Variants in AKT3 observed in about 807,000 individuals in gnomAD.
AKT3 encodes the protein AKT serine/threonine kinase 3.
A neutral mutation model predicts 65.3 loss-of-function variants in AKT3; 15 were observed. That is an observed-to-expected ratio of 0.23 (90% confidence interval 0.15 to 0.35). AKT3 has a LOEUF of 0.35. Ranked by LOEUF, AKT3 falls within the 10% of genes least tolerant of loss-of-function variation. The probability of loss-of-function intolerance (pLI) is 1.00; values close to 1 mark genes in which losing one functional copy is unlikely to be tolerated. For missense variants in AKT3, 243 were observed against 576.5 expected (o/e 0.42, Z 5.92); for synonymous variants, 206 against 183.8 (o/e 1.12, Z -0.98).
At chr1:243,800,693 A>G (rs1447121036) in intron 2 of AKT3, among the ~76,000 whole-genome samples, 1 of 151,974 alleles carries the variant, frequency 6.6e-6, no homozygotes, top group African/African-American at 2.4e-5. Flanking sequence ...ACTCCAGCCC[A>G]GCGACAGAGT....
intron 3 of AKT3, among the ~76,000 whole-genome samples, chr1:243,677,294 C>A (rs912063501): frequency 6.6e-6 from 1 of 152,072 alleles, no homozygotes; most frequent in African/African-American, 2.4e-5. Flanking sequence ...TTATTTGTAT[C>A]CCATATGGTG....
At chr1:243,671,352 T>A (rs1683148178) in intron 3 of AKT3, among the ~76,000 whole-genome samples, 1 of 152,140 alleles carries the variant, frequency 6.6e-6, no homozygotes, top group African/African-American at 2.4e-5. Context: ...AGCGCTGGGA[T>A]TACAGGCGTG....
intron 6 of AKT3, among the ~76,000 whole-genome samples, chr1:243,617,860 A>C (rs990391152): frequency 6.6e-6 from 1 of 152,154 alleles, no homozygotes; most frequent in Non-Finnish European, 1.5e-5. Context: ...TAAAGTTAAC[A>C]GTGCTAATAT....
intron 6 of AKT3, among the ~76,000 whole-genome samples, chr1:243,632,710 T>C (rs970510044): frequency 1.1e-4 from 16 of 152,224 alleles, no homozygotes; most frequent in African/African-American, 3.9e-4. Context: ...CGTGTAGTCA[T>C]CTTCACCAAT....
intron 3 of AKT3, among the ~76,000 whole-genome samples, chr1:243,677,531 A>C (rs1683603976): frequency 6.6e-6 from 1 of 151,944 alleles, no homozygotes; most frequent in Non-Finnish European, 1.5e-5. Context: ...TATATGAAAA[A>C]ATATATTTTT....
At chr1:243,718,613 C>T in intron 2 of AKT3, among the ~76,000 whole-genome samples, 1 of 150,906 alleles carries the variant, frequency 6.6e-6, no homozygotes, top group East Asian at 2.0e-4. Flanking sequence ...CAGGCCCTCA[C>T]CACCACGCCT....
chr1:243,542,436 A>G lies in AKT3; in HGVS notation c.1251+3074T>C, dbSNP rs79284637. 5.2e-3 allele frequency among the ~76,000 whole-genome samples: 791 copies of G among 152,332 alleles called. 10 individuals carry two copies. The highest frequency in any genetic ancestry group is 0.018 in the African/African-American group (744 of 41,580). On this transcript the variant is annotated intron_variant, in intron 12 of 13. Transcript: ENST00000673466. ...TACTTTCACTTTTTACTTTGCCTAG[A>G]AAGAGATTCAGATCTCCTCAACAGA... is the stretch of plus-strand genomic sequence containing the variant.
upstream of AKT3, among the ~76,000 whole-genome samples, chr1:243,850,820 C>T (rs1166375061): frequency 6.6e-6 from 1 of 152,032 alleles, no homozygotes; most frequent in African/African-American, 2.4e-5. Context: ...CAGCCAGAGC[C>T]GGGAGCGGGG....
At chr1:243,631,792 T>C (rs1013941728) in intron 6 of AKT3, among the ~76,000 whole-genome samples, 3 of 152,216 alleles carry the variant, frequency 2.0e-5, no homozygotes, top group Non-Finnish European at 4.4e-5. Flanking sequence ...TTCAGCAATG[T>C]TCATGGCATC....
chr1:243,583,557 G>GAAAAAA (rs977215298), intron 8 of AKT3, among the ~76,000 whole-genome samples: 8 of 38,798 alleles, frequency 2.1e-4, no homozygotes, highest in Admixed American at 4.1e-4. Flanking sequence ...AAAAAAAAAA[G>GAAAAAA]AAAAAAAAAA....
chr1:243,561,562 T>C (rs1256788050), intron 10 of AKT3, among the ~76,000 whole-genome samples: 2 of 152,280 alleles, frequency 1.3e-5, no homozygotes, highest in Non-Finnish European at 1.5e-5. Flanking sequence ...TTGCTATCTA[T>C]CATCAAAGAT....
At chr1:243,686,675 T>A (rs1262410475) in intron 3 of AKT3, among the ~76,000 whole-genome samples, 6 of 79,430 alleles carry the variant, frequency 7.6e-5, no homozygotes, top group African/African-American at 1.7e-4. Context: ...TTTTTTTTTT[T>A]TTTTTTTTTT....
intron 2 of AKT3, among the ~76,000 whole-genome samples, chr1:243,815,491 G>C (rs927415709): frequency 6.6e-6 from 1 of 152,078 alleles, no homozygotes; most frequent in African/African-American, 2.4e-5. Context: ...GTCAACTCAA[G>C]GCTCTACATG....
At chr1:243,720,876 T>C (rs1184922311) in intron 2 of AKT3, among the ~76,000 whole-genome samples, 2 of 152,168 alleles carry the variant, frequency 1.3e-5, no homozygotes, top group Non-Finnish European at 2.9e-5. Flanking sequence ...TTAAAGTACT[T>C]GCCACACCAT....
At chr1:243,526,787 A>ATGGT (rs1671128435) in intron 12 of AKT3, among the ~76,000 whole-genome samples, 1 of 75,792 alleles carries the variant, frequency 1.3e-5, no homozygotes, top group South Asian at 4.0e-4. Flanking sequence ...GTTAAAAAAA[A>ATGGT]AAAAAAAAAA....
intron 13 of AKT3, among the ~76,000 whole-genome samples, chr1:243,512,013 C>G (rs1411538291): frequency 6.6e-6 from 1 of 152,170 alleles, no homozygotes; most frequent in African/African-American, 2.4e-5. Flanking sequence ...TTTCACAATC[C>G]TTTCAGTTGG....
chr1:243,789,865 A>G (rs1691506165), intron 2 of AKT3, among the ~76,000 whole-genome samples: 2 of 152,234 alleles, frequency 1.3e-5, no homozygotes, highest in Non-Finnish European at 1.5e-5. Flanking sequence ...CTCCTTGTCC[A>G]TCTCTATCAG....
At chr1:243,566,640 CCTTATTCA>C (rs998979611) in intron 9 of AKT3, among the ~76,000 whole-genome samples, 1 of 151,986 alleles carries the variant, frequency 6.6e-6, no homozygotes, top group African/African-American at 2.4e-5. Context: ...GAGCTTTATC[CCTTATTCA>C]CTGTGTGACC....
chr1:243,526,775 T>C (rs1185555935), intron 12 of AKT3, among the ~76,000 whole-genome samples: 1 of 8,410 alleles, frequency 1.2e-4, no homozygotes, highest in East Asian at 2.7e-3. Flanking sequence ...CTACAAAAAA[T>C]GGTTAAAAAA....
Sources: allele counts gnomAD v4.1 joint callset (sites outside exome capture counted in the v4.1 genomes callset), GRCh38; gene constraint gnomAD v4.1.1; transcripts MANE v1.5; gene names NCBI Gene and HGNC (gene_info 2026-07-23, HGNC 2026-07-21).